DOCK2: variants seen among roughly 807,000 people sequenced by gnomAD.
DOCK2 encodes the protein dedicator of cytokinesis 2.
A neutral mutation model predicts 248.9 loss-of-function variants in DOCK2; 87 were observed. The observed-to-expected ratio is 0.35, with a 90% CI of 0.29 to 0.42. The LOEUF (loss-of-function observed/expected upper bound fraction) is 0.42. DOCK2 is among the 10% of genes least tolerant of loss of function. The pLI is 1.00. For synonymous variants in DOCK2, 805 were observed against 821.6 expected, an observed-to-expected ratio of 0.98 and a Z score of 0.35; for missense variants, 1,747 against 2,300.2, an observed-to-expected ratio of 0.76 and a Z score of 4.92.
chr5:169,777,221 T>A (rs1424063308), intron 25 of DOCK2, among the ~76,000 whole-genome samples: 1 of 152,224 alleles, frequency 6.6e-6, no homozygotes, highest in Non-Finnish European at 1.5e-5. Flanking sequence ...AGACTCAGCA[T>A]GGAGCAGACT....
At chr5:169,806,219 G>GT (rs36108162) in intron 26 of DOCK2, among the ~76,000 whole-genome samples, 66,759 of 122,478 alleles carry the variant, frequency 0.55, 20,603 homozygotes, top group East Asian at 0.73. Context: ...CACCTCGAGA[G>GT]TTTTTTTTTT....
chr5:169,885,156 T>A (rs547543725), intron 27 of DOCK2, among the ~76,000 whole-genome samples: 2 of 152,216 alleles, frequency 1.3e-5, no homozygotes, highest in East Asian at 3.9e-4. Flanking sequence ...TCAGGACCCA[T>A]TGTACATCCT....
intron 26 of DOCK2, among the ~76,000 whole-genome samples, chr5:169,834,892 A>G (rs974061433): frequency 1.3e-5 from 2 of 152,232 alleles, no homozygotes; most frequent in African/African-American, 4.8e-5. Flanking sequence ...TGGAGGACAC[A>G]GACTCTGTGA....
At chr5:169,741,693 T>C (rs1763311179) in intron 22 of DOCK2, among the ~76,000 whole-genome samples, 1 of 152,036 alleles carries the variant, frequency 6.6e-6, no homozygotes, top group African/African-American at 2.4e-5. Flanking sequence ...CCTCCAACAG[T>C]CCCATAGCGT....
chr5:169,877,933 T>C (rs1392112076), intron 27 of DOCK2, among the ~76,000 whole-genome samples: 1 of 152,124 alleles, frequency 6.6e-6, no homozygotes, highest in East Asian at 1.9e-4. Flanking sequence ...ACAGCATGCT[T>C]GGATGGGAGA....
At chr5:169,951,172 G>A (rs2113725360) in intron 27 of DOCK2, among the ~76,000 whole-genome samples, 1 of 152,286 alleles carries the variant, frequency 6.6e-6, no homozygotes, top group South Asian at 2.1e-4. Flanking sequence ...TAGAGTCAGG[G>A]CAAGAGAAAA....
chr5:170,061,061 G>C (rs1242353540), intron 44 of DOCK2, among the ~76,000 whole-genome samples: 1 of 152,022 alleles, frequency 6.6e-6, no homozygotes, highest in African/African-American at 2.4e-5. Flanking sequence ...AATATGAAAT[G>C]CCACCTAATT....
intron 27 of DOCK2, among the ~76,000 whole-genome samples, chr5:169,901,534 G>A (rs1435054077): frequency 1.3e-5 from 2 of 152,096 alleles, no homozygotes; most frequent in African/African-American, 4.8e-5. Context: ...ACTGGATGGG[G>A]CAAAAGTGGA....
At chr5:169,946,356 C>T (rs186310240) in intron 27 of DOCK2, among the ~76,000 whole-genome samples, 4 of 152,262 alleles carry the variant, frequency 2.6e-5, no homozygotes, top group East Asian at 1.9e-4. Context: ...CTGAGGGGGA[C>T]GAGTCACAGG....
intron 27 of DOCK2, among the ~76,000 whole-genome samples, chr5:169,977,267 C>T (rs1031202322): frequency 3.3e-5 from 5 of 152,202 alleles, no homozygotes; most frequent in African/African-American, 7.2e-5. Flanking sequence ...GGCAGAGGCT[C>T]TTAGCTGTTC....
intron 27 of DOCK2, among the ~76,000 whole-genome samples, chr5:169,939,319 A>G (rs941589777): frequency 6.6e-6 from 1 of 151,588 alleles, no homozygotes; most frequent in Non-Finnish European, 1.5e-5. Context: ...TTCCACCTCC[A>G]CATCTGGTCT....
At chr5:169,906,838 A>G (rs1414894391) in intron 27 of DOCK2, among the ~76,000 whole-genome samples, 1 of 152,222 alleles carries the variant, frequency 6.6e-6, no homozygotes, top group Non-Finnish European at 1.5e-5. Context: ...TAGGGCCTGA[A>G]GTAGAAAGAC....
At position 170,067,559 on chromosome 5, in the gene DOCK2, A is replaced by C; in HGVS notation, c.4517A>C (p.Asn1506Thr). Residue 1506 changes from asparagine to threonine, a missense_variant, in exon 45 of 52, where the codon AAT becomes ACT. Physicochemically the swap from Asn to Thr is moderately conservative, Grantham distance 65. Transcript: ENST00000520908. The part of the protein sequence containing the change: ...ENAIETMSTA[N>T]EKILMMINQY... ...GCCATAGAAACCATGTCCACGGCCA[A>C]TGAGAAGATCCTGATGATGATAAAC... 1 of 1,614,204 alleles carries C rather than the reference A, an allele frequency of 6.2e-7. No individual in the cohort carries two copies. Among genetic ancestry groups the C allele is most frequent in the Non-Finnish European group, 8.5e-7 (1 of 1,180,026 alleles).
chr5:169,797,219 G>A (rs918339905), intron 25 of DOCK2, among the ~76,000 whole-genome samples: 1 of 152,220 alleles, frequency 6.6e-6, no homozygotes, highest in Admixed American at 6.5e-5. Context: ...GACTTGTGGG[G>A]AAGAGGGTCA....
At chr5:169,885,610 AG>A (rs1772927929) in intron 27 of DOCK2, among the ~76,000 whole-genome samples, 1 of 152,232 alleles carries the variant, frequency 6.6e-6, no homozygotes, top group Admixed American at 6.5e-5. Context: ...CCATTTATTG[AG>A]CACATACTTT....
rs1412124295 is a variant in DOCK2 at position 170,042,151 on chromosome 5, C to A, written c.3876+19C>A. The A allele has an allele frequency of 6.3e-6, 10 of 1,593,588 alleles. No homozygotes were observed. The East Asian group carries it at 6.8e-5, about 11-fold the overall frequency. On this transcript the variant is annotated intron_variant, in intron 38 of 51. Coordinates refer to ENST00000520908, the MANE Select transcript of DOCK2 (RefSeq NM_004946.3). ...AGGAAAGGTAATCTGTCCCTGCCCA[C>A]CCCCCGTGGGGACCCTGGCCACTGG...
chr5:170,073,918 A>G lies in DOCK2; in HGVS notation c.4729-2029A>G, dbSNP rs144185057. On this transcript the variant is annotated intron_variant, in intron 46 of 51. Coordinates refer to ENST00000520908, the MANE Select transcript of DOCK2 (RefSeq NM_004946.3). ...GCTCTGTTGATCCTCTCTGTTGTAAATTTGTTTTCTATTTTTATTCGTGTC... is the reference window on the plus strand; with the variant it reads ...GCTCTGTTGATCCTCTCTGTTGTAAGTTTGTTTTCTATTTTTATTCGTGTC... Among the ~76,000 whole-genome samples, 1,323 of 152,060 alleles carry G rather than the reference A, an allele frequency of 8.7e-3. 21 individuals carry two copies. The highest frequency in any genetic ancestry group is 0.03 in the African/African-American group (1,248 of 41,514).
At chr5:169,668,374 T>G (rs1309503975) in intron 2 of DOCK2, among the ~76,000 whole-genome samples, 1 of 152,226 alleles carries the variant, frequency 6.6e-6, no homozygotes, top group African/African-American at 2.4e-5. Flanking sequence ...CAGAGTTTCC[T>G]TTAGGACCTG....
chr5:169,796,892 C>T (rs961001355), intron 25 of DOCK2, among the ~76,000 whole-genome samples: 5 of 152,208 alleles, frequency 3.3e-5, no homozygotes, highest in Admixed American at 6.5e-5. Flanking sequence ...TGAGCGCCCA[C>T]GATGAGTTAA....
Sources: gnomAD v4.1 joint callset for allele counts (sites outside exome capture counted in the v4.1 genomes callset) on GRCh38, gnomAD v4.1.1 for gene constraint, MANE v1.5 for transcripts, NCBI Gene and HGNC (gene_info 2026-07-23, HGNC 2026-07-21) for gene names.